TCF12: variants seen among roughly 807,000 people sequenced by gnomAD.
TCF12 encodes the protein transcription factor 12.
In TCF12, 45 loss-of-function variants were observed where a neutral mutation model predicts 86.0. That is an observed-to-expected ratio of 0.52 (90% CI 0.41 to 0.67). The LOEUF is 0.67. TCF12 is among the 30% of genes least tolerant of loss of function. The pLI is 0.00. For missense variants in TCF12, 881 were observed against 859.9 expected (o/e 1.02, Z -0.31); for synonymous variants, 330 against 299.6 (o/e 1.10, Z -1.05).
intron 3 of TCF12, among the ~76,000 whole-genome samples, chr15:56,940,811 AGTGGTAT>A (rs2060732586): frequency 6.8e-6 from 1 of 147,152 alleles, no homozygotes; most frequent in Admixed American, 7.0e-5. Context: ...GCTGGGGTAC[AGTGGTAT>A]GATCATAGCC....
intron 3 of TCF12, among the ~76,000 whole-genome samples, chr15:56,966,375 T>G (rs935735389): frequency 6.6e-6 from 1 of 152,168 alleles, no homozygotes. Context: ...CGCAGTTACT[T>G]TTGCACCAAC....
chr15:57,093,277 C>T (rs1374044281), intron 5 of TCF12, among the ~76,000 whole-genome samples: 1 of 152,054 alleles, frequency 6.6e-6, no homozygotes, highest in Non-Finnish European at 1.5e-5. Context: ...AAAGTAAAAT[C>T]GATATAACAC....
intron 11 of TCF12, 63 bp from the exon 12 acceptor site, chr15:57,233,980 A>G (rs1180030382): frequency 3.8e-6 from 5 of 1,327,090 alleles, no homozygotes; most frequent in Non-Finnish European, 4.3e-6. Flanking sequence ...GAATAATGGC[A>G]GAGTGCTAAA....
intron 6 of TCF12, among the ~76,000 whole-genome samples, chr15:57,170,112 T>C (rs1567555940): frequency 2.0e-5 from 3 of 152,198 alleles, no homozygotes; most frequent in Admixed American, 1.3e-4. Flanking sequence ...TAAGGTATTA[T>C]GCTTAAGGCT....
At chr15:57,018,364 A>G (rs1274013114) in intron 3 of TCF12, among the ~76,000 whole-genome samples, 1 of 152,274 alleles carries the variant, frequency 6.6e-6, no homozygotes, top group African/African-American at 2.4e-5. Flanking sequence ...TGCAATAGCA[A>G]GCAGTTTCAA....
At chr15:56,918,507 C>G (rs956051241), upstream of TCF12, 1 of 316,360 alleles carries the variant, frequency 3.2e-6, no homozygotes, top group Non-Finnish European at 6.2e-6. Context: ...TTTGTCCACC[C>G]GCCGCGGTGC....
At chr15:57,166,363 T>C in intron 5 of TCF12, 39 bp from the exon 6 acceptor site, 1 of 1,546,398 alleles carries the variant, frequency 6.5e-7, no homozygotes, top group African/African-American at 1.4e-5. Context: ...TGTCAATAAA[T>C]GAAGGGTTTT....
At chr15:57,093,046 A>G (rs2049092400) in intron 5 of TCF12, among the ~76,000 whole-genome samples, 1 of 152,234 alleles carries the variant, frequency 6.6e-6, no homozygotes, top group Admixed American at 6.5e-5. Context: ...AGCCAGAAGA[A>G]CCATTAGAGT....
At chr15:57,137,768 C>T (rs2052658591) in intron 5 of TCF12, among the ~76,000 whole-genome samples, 1 of 152,152 alleles carries the variant, frequency 6.6e-6, no homozygotes, top group African/African-American at 2.4e-5. Flanking sequence ...GTGGCTCATG[C>T]CCGTAATCCC....
At chr15:57,199,600 C>T (rs2057434558) in intron 8 of TCF12, among the ~76,000 whole-genome samples, 1 of 152,170 alleles carries the variant, frequency 6.6e-6, no homozygotes, top group South Asian at 2.1e-4. Flanking sequence ...AGGTCACCAG[C>T]ATTTCTTACA....
At chr15:57,010,038 T>C (rs140701458) in intron 3 of TCF12, among the ~76,000 whole-genome samples, 29 of 152,260 alleles carry the variant, frequency 1.9e-4, no homozygotes, top group African/African-American at 7.0e-4. Flanking sequence ...CATTGTGAGT[T>C]TGGACATTTA....
At chr15:57,228,996 A>C (rs1478109204) in intron 8 of TCF12, among the ~76,000 whole-genome samples, 1 of 152,002 alleles carries the variant, frequency 6.6e-6, no homozygotes, top group Non-Finnish European at 1.5e-5. Flanking sequence ...GTGTATAGTA[A>C]GTGCACATTT....
chr15:57,065,424 G>A (rs1791077211), intron 4 of TCF12, among the ~76,000 whole-genome samples: 1 of 152,150 alleles, frequency 6.6e-6, no homozygotes, highest in Non-Finnish European at 1.5e-5. Context: ...GTAATATTGT[G>A]AATATGTGAG....
intron 3 of TCF12, among the ~76,000 whole-genome samples, chr15:56,961,847 A>AC (rs2061768855): frequency 1.3e-5 from 2 of 152,098 alleles, no homozygotes; most frequent in Admixed American, 6.6e-5. Flanking sequence ...TGGTGATATA[A>AC]AATATGTTTA....
At chr15:57,099,823 A>C (rs896310390) in intron 5 of TCF12, among the ~76,000 whole-genome samples, 1 of 151,900 alleles carries the variant, frequency 6.6e-6, no homozygotes, top group African/African-American at 2.4e-5. Flanking sequence ...AAAGCAATCA[A>C]CTGTGGCTTG....
In TCF12 at chr15:57,080,529, A is replaced by C. The variant is rs1408643567; in HGVS notation, c.223-11260A>C. ...ACAAGCCGTTTTGCATTCAGTTGCT[A>C]TTTCTGGGAAGCTTCAGTACTGCAG... On this transcript the variant is annotated intron_variant, in intron 4 of 20. Transcript: ENST00000333725. 7.2e-5 allele frequency among the ~76,000 whole-genome samples: 11 copies of C among 152,218 alleles called. No homozygotes were observed. In the East Asian group the frequency reaches 2.1e-3, roughly 29 times the overall value.
At chr15:56,954,918 T>C (rs2061436549) in intron 3 of TCF12, among the ~76,000 whole-genome samples, 1 of 152,150 alleles carries the variant, frequency 6.6e-6, no homozygotes, top group African/African-American at 2.4e-5. Context: ...CTGGAGAGGA[T>C]GTGGAGAAAC....
intron 3 of TCF12, among the ~76,000 whole-genome samples, chr15:57,052,933 T>C (rs1031285965): frequency 5.9e-5 from 9 of 152,176 alleles, no homozygotes; most frequent in African/African-American, 9.7e-5. Context: ...AATACAGATA[T>C]CTCTTTTAGA....
In TCF12 at chr15:57,037,074, A is replaced by T. The variant is rs111321635; in HGVS notation, c.149-26676A>T. On this transcript the variant is annotated intron_variant, in intron 3 of 20. Transcript: ENST00000333725. ...TGATTTAAAGTGTAATCATTTTCTT[A>T]TGTTGATTGTTGTGAGGTGATAAAA... 3.0e-3 allele frequency among the ~76,000 whole-genome samples: 457 copies of T among 152,286 alleles called. 1 individual carries two copies. Among genetic ancestry groups the T allele is most frequent in the African/African-American group, 0.011 (438 of 41,554 alleles).
Sources: gnomAD v4.1 joint callset for allele counts (sites outside exome capture counted in the v4.1 genomes callset) on GRCh38, gnomAD v4.1.1 for gene constraint, MANE v1.5 for transcripts, NCBI Gene and HGNC (gene_info 2026-07-23, HGNC 2026-07-21) for gene names.